Variants in KIFAP3 observed in about 807,000 individuals in gnomAD.
KIFAP3 encodes the protein kinesin-associated protein 3.
Under a neutral mutation model 106.5 loss-of-function variants are expected in KIFAP3, and 68 were observed. The ratio of observed to expected loss-of-function variants is 0.64; its 90% CI spans 0.53 to 0.78. The LOEUF is 0.78. KIFAP3 is among the 30% of genes least tolerant of loss of function. The probability of loss-of-function intolerance (pLI) is 0.00; values close to 1 mark genes in which losing one functional copy is unlikely to be tolerated. For missense variants in KIFAP3, 780 were observed against 941.8 expected (o/e 0.83, Z 2.25); for synonymous variants, 320 against 311.5 (o/e 1.03, Z -0.29).
chr1:170,034,283 A>G, intron 7 of KIFAP3, 89 bp downstream of exon 7: 1 of 1,269,274 alleles, frequency 7.9e-7, no homozygotes, highest in Non-Finnish European at 1.1e-6. Flanking sequence ...AACAATTTTT[A>G]AAAAAGAAAA....
chr1:170,010,711 A>G (rs1421804482), intron 10 of KIFAP3, among the ~76,000 whole-genome samples: 3 of 152,040 alleles, frequency 2.0e-5, no homozygotes, highest in Non-Finnish European at 2.9e-5. Flanking sequence ...TAGATTTATT[A>G]GAGCATGAAA....
chr1:170,062,795 TATC>T (rs770333562), intron 1 of KIFAP3, among the ~76,000 whole-genome samples: 7 of 152,144 alleles, frequency 4.6e-5, no homozygotes, highest in Non-Finnish European at 8.8e-5. Context: ...TGCCTATTCT[TATC>T]ATGTGAAAAG....
chr1:170,009,377 A>G (rs1342014731), intron 10 of KIFAP3, among the ~76,000 whole-genome samples: 1 of 152,146 alleles, frequency 6.6e-6, no homozygotes, highest in African/African-American at 2.4e-5. Context: ...AAAATTCAGA[A>G]TTGTCCAAAA....
At chr1:170,011,299 A>G (rs1339416725) in intron 10 of KIFAP3, among the ~76,000 whole-genome samples, 1 of 151,962 alleles carries the variant, frequency 6.6e-6, no homozygotes, top group Non-Finnish European at 1.5e-5. Flanking sequence ...TTGAAGGAAA[A>G]CAAGTCTAAC....
At chr1:169,961,498 A>G (rs1408861545) in intron 17 of KIFAP3, among the ~76,000 whole-genome samples, 1 of 152,208 alleles carries the variant, frequency 6.6e-6, no homozygotes, top group Non-Finnish European at 1.5e-5. Context: ...ATTTAATATT[A>G]CATAAATATT....
chr1:169,926,651 T>C (rs1384399171), intron 19 of KIFAP3, among the ~76,000 whole-genome samples: 2 of 143,206 alleles, frequency 1.4e-5, no homozygotes, highest in African/African-American at 2.6e-5. Flanking sequence ...TAACATTAAG[T>C]TTTTTCTGTA....
chr1:169,981,871 G>A, intron 15 of KIFAP3, 101 bp downstream of exon 15: 2 of 930,470 alleles, frequency 2.1e-6, no homozygotes, highest in Admixed American at 2.9e-5. Context: ...AACAATTAAT[G>A]TAATGAGAAA....
At chr1:170,053,675 C>G (rs1670692837) in intron 2 of KIFAP3, among the ~76,000 whole-genome samples, 1 of 151,338 alleles carries the variant, frequency 6.6e-6, no homozygotes, top group Non-Finnish European at 1.5e-5. Flanking sequence ...AACAGAGACT[C>G]AGAAATAACA....
At chr1:170,066,441 G>A (rs1671450112) in intron 1 of KIFAP3, among the ~76,000 whole-genome samples, 1 of 152,082 alleles carries the variant, frequency 6.6e-6, no homozygotes, top group Non-Finnish European at 1.5e-5. Flanking sequence ...TCAAACCAAT[G>A]CACCTTCTAA....
chr1:170,004,508 G>T (rs1194298335), intron 10 of KIFAP3, among the ~76,000 whole-genome samples: 4 of 151,810 alleles, frequency 2.6e-5, no homozygotes, highest in African/African-American at 9.7e-5. Flanking sequence ...CCAAAACAGA[G>T]ATATAGACCA....
intron 16 of KIFAP3, among the ~76,000 whole-genome samples, chr1:169,973,767 T>C (rs926352913): frequency 2.6e-5 from 4 of 151,768 alleles, no homozygotes; most frequent in East Asian, 1.9e-4. Context: ...AGAGAAAAAA[T>C]AGTTATTTTC....
At chr1:169,942,997 C>T (rs990580199) in intron 19 of KIFAP3, among the ~76,000 whole-genome samples, 13 of 136,876 alleles carry the variant, frequency 9.5e-5, no homozygotes, top group African/African-American at 2.7e-4. Context: ...AACTTATTAA[C>T]GCAGGTAGGT....
intron 18 of KIFAP3, among the ~76,000 whole-genome samples, chr1:169,959,916 A>C (rs945003194): frequency 2.6e-5 from 4 of 152,164 alleles, no homozygotes; most frequent in African/African-American, 4.8e-5. Context: ...TTGAAACACA[A>C]AGCAGCATTT....
rs568046113 is a variant in KIFAP3, at chr1:170,017,181, C to T, written c.1021-557G>A. ...CTAAGGCAGAAGAATGACCTGAACC[C>T]GGGAAACAGAGGTTGCAGTGAGCCG... On this transcript the variant is annotated intron_variant, in intron 9 of 19. Coordinates refer to ENST00000361580, the MANE Select transcript of KIFAP3 (RefSeq NM_014970.4). Among the ~76,000 whole-genome samples, 7 of 148,504 alleles carry T rather than the reference C, an allele frequency of 4.7e-5. No individual in the cohort carries two copies. The South Asian group carries it at 1.1e-3, about 23-fold the overall frequency.
rs1263762242 is a variant in KIFAP3, at chr1:169,921,386, T to C, written c.*290A>G. Reference sequence around the variant, plus strand: ...TAAATTAGTCACTTAACATACATAATGCAGTGTTTGTTTTCCAGTCTAGTA... The same window carrying C: ...TAAATTAGTCACTTAACATACATAACGCAGTGTTTGTTTTCCAGTCTAGTA... On this transcript the variant is annotated 3_prime_UTR_variant, in exon 20 of 20. Transcript: ENST00000361580. 3 of 236,198 alleles carry C rather than the reference T, an allele frequency of 1.3e-5. No individual in the cohort carries two copies. Among genetic ancestry groups the C allele is most frequent in the East Asian group, 8.9e-5 (1 of 11,222 alleles). 14.6% of individuals were successfully genotyped at this position (236,198 alleles called of 1,614,324 possible).
At chr1:169,971,274 T>C in intron 17 of KIFAP3, among the ~76,000 whole-genome samples, 1 of 152,008 alleles carries the variant, frequency 6.6e-6, no homozygotes, top group East Asian at 1.9e-4. Flanking sequence ...TACAGAACTA[T>C]AAGAAGTTTT....
intron 1 of KIFAP3, among the ~76,000 whole-genome samples, chr1:170,083,042 C>G (rs1042667822): frequency 1.3e-5 from 2 of 151,862 alleles, no homozygotes; most frequent in African/African-American, 4.8e-5. Flanking sequence ...TAATACAACA[C>G]AGTGTGATAG....
At chr1:169,966,224 A>G (rs1665607962) in intron 17 of KIFAP3, among the ~76,000 whole-genome samples, 1 of 151,900 alleles carries the variant, frequency 6.6e-6, no homozygotes, top group Non-Finnish European at 1.5e-5. Context: ...TTATTTTCTC[A>G]GCTCTAAAAA....
intron 16 of KIFAP3, among the ~76,000 whole-genome samples, chr1:169,974,845 T>C (rs1666142112): frequency 6.6e-6 from 1 of 151,920 alleles, no homozygotes; most frequent in Non-Finnish European, 1.5e-5. Flanking sequence ...GAATCTAAAA[T>C]AATCTAGACA....
Sources: allele counts gnomAD v4.1 joint callset (sites outside exome capture counted in the v4.1 genomes callset), GRCh38; gene constraint gnomAD v4.1.1; transcripts MANE v1.5; gene names NCBI Gene and HGNC (gene_info 2026-07-23, HGNC 2026-07-21).